Variants in ADGRL3 observed in about 807,000 individuals in gnomAD.
ADGRL3 encodes adhesion G protein-coupled receptor L3.
ADGRL3 carries 62 observed loss-of-function variants against 153.5 expected under a neutral mutation model. That is an observed-to-expected ratio of 0.40 (90% CI 0.33 to 0.50). The LOEUF (loss-of-function observed/expected upper bound fraction) is 0.50. Ranked by LOEUF, ADGRL3 falls within the 20% of genes least tolerant of loss-of-function variation. The pLI is 0.47. For missense variants in ADGRL3, 1,641 were observed against 1,859.4 expected, an observed-to-expected ratio of 0.88 and a Z score of 2.16; for synonymous variants, 710 against 672.5, an observed-to-expected ratio of 1.06 and a Z score of -0.86.
At chr4:62,055,789 A>T (rs1736694865) in intron 25 of ADGRL3, among the ~76,000 whole-genome samples, 1 of 151,656 alleles carries the variant, frequency 6.6e-6, no homozygotes, top group Non-Finnish European at 1.5e-5. Flanking sequence ...ATGTGTGTTG[A>T]TATTGTTTTG....
At chr4:61,369,439 AG>A (rs1388988014) in intron 1 of ADGRL3, among the ~76,000 whole-genome samples, 4 of 152,064 alleles carry the variant, frequency 2.6e-5, no homozygotes, top group Admixed American at 6.6e-5. Flanking sequence ...TTTAGCATGA[AG>A]GGTTGTTGAA....
chr4:61,574,378 A>G (rs1159344916), intron 4 of ADGRL3, among the ~76,000 whole-genome samples: 1 of 151,992 alleles, frequency 6.6e-6, no homozygotes, highest in Non-Finnish European at 1.5e-5. Context: ...TCACTTTAGA[A>G]CCTTACTAAT....
intron 4 of ADGRL3, among the ~76,000 whole-genome samples, chr4:61,523,133 G>A (rs2098540920): frequency 6.6e-6 from 1 of 151,878 alleles, no homozygotes; most frequent in Admixed American, 6.6e-5. Context: ...TAATCCTTCT[G>A]GCATCTTCTC....
At chr4:61,930,516 A>G (rs1384984872) in intron 13 of ADGRL3, among the ~76,000 whole-genome samples, 1 of 152,146 alleles carries the variant, frequency 6.6e-6, no homozygotes, top group African/African-American at 2.4e-5. Context: ...TAACAAATAA[A>G]CTCTGTATTT....
At chr4:61,897,382 A>C (rs1284975766) in intron 11 of ADGRL3, among the ~76,000 whole-genome samples, 1 of 152,206 alleles carries the variant, frequency 6.6e-6, no homozygotes. Context: ...GAATCAGCTT[A>C]TGTAACTTGT....
chr4:61,537,760 C>T (rs1310001837), intron 4 of ADGRL3, among the ~76,000 whole-genome samples: 1 of 152,116 alleles, frequency 6.6e-6, no homozygotes, highest in Admixed American at 6.5e-5. Flanking sequence ...TTCACTATCA[C>T]TATACTAAGA....
chr4:61,476,724 AAAAAAAAAAAAAAAC>A, intron 2 of ADGRL3, among the ~76,000 whole-genome samples: 1 of 148,514 alleles, frequency 6.7e-6, no homozygotes, highest in African/African-American at 2.5e-5. Flanking sequence ...AAAAAAAAAA[AAAAAAAAAAAAAAAC>A]AAAAAAACAT....
At chr4:61,629,484 C>T (rs998768661) in intron 5 of ADGRL3, among the ~76,000 whole-genome samples, 10 of 151,336 alleles carry the variant, frequency 6.6e-5, no homozygotes, top group African/African-American at 9.7e-5. Flanking sequence ...TATGGGAGGC[C>T]GAGGTGGGCG....
chr4:61,763,353 A>ATT (rs537127320), intron 8 of ADGRL3, among the ~76,000 whole-genome samples: 3 of 142,520 alleles, frequency 2.1e-5, no homozygotes, highest in East Asian at 2.0e-4. Flanking sequence ...ATGTCCAGCT[A>ATT]TTTTTTTTTT....
chr4:61,930,240 A>G (rs182846419), intron 13 of ADGRL3, among the ~76,000 whole-genome samples: 19 of 150,710 alleles, frequency 1.3e-4, no homozygotes, highest in East Asian at 2.0e-4. Flanking sequence ...CATTCCTTCT[A>G]TTGGGGTATT....
At position 61,497,138 on chromosome 4, in the gene ADGRL3, T is replaced by C. The variant is rs1297013999; in HGVS notation, c.-156T>C. ...TTTTGCAGGTTTCAGATTTGGGATA[T>C]TGGTGTTTCTGTTTTGGAGAAATTA... is the stretch of plus-strand genomic sequence containing the variant. On this transcript the variant is annotated 5_prime_UTR_variant, in exon 3 of 27. Transcript: ENST00000683033. 2 of 583,134 alleles carry C rather than the reference T, an allele frequency of 3.4e-6. No individual in the cohort carries two copies. Among genetic ancestry groups the C allele is most frequent in the African/African-American group, 3.9e-5 (2 of 50,914 alleles). The allele number at this position is 583,134 out of a possible 1,614,324, so 36.1% of individuals were successfully genotyped here.
chr4:61,554,435 A>T (rs893793380), intron 4 of ADGRL3, among the ~76,000 whole-genome samples: 1 of 152,116 alleles, frequency 6.6e-6, no homozygotes, highest in African/African-American at 2.4e-5. Flanking sequence ...ACTTCAAATG[A>T]TCCACCCGCC....
At chr4:61,262,692 AAAAG>A (rs1168159202) in intron 1 of ADGRL3, among the ~76,000 whole-genome samples, 1 of 152,144 alleles carries the variant, frequency 6.6e-6, no homozygotes, top group Non-Finnish European at 1.5e-5. Context: ...AGAAAAAAGA[AAAAG>A]AAAACAGGAG....
intron 9 of ADGRL3, among the ~76,000 whole-genome samples, chr4:61,886,790 C>T (rs1053679494): frequency 2.6e-5 from 4 of 151,692 alleles, no homozygotes; most frequent in African/African-American, 4.8e-5. Flanking sequence ...TACAGGCGCC[C>T]ACCATCATGC....
At chr4:61,502,196 A>G (rs1260392360) in intron 3 of ADGRL3, among the ~76,000 whole-genome samples, 2 of 152,084 alleles carry the variant, frequency 1.3e-5, no homozygotes, top group African/African-American at 4.8e-5. Flanking sequence ...AAGAAACATC[A>G]AGGTCCAATG....
chr4:61,479,605 A>G (rs1206413058), intron 2 of ADGRL3, among the ~76,000 whole-genome samples: 1 of 152,172 alleles, frequency 6.6e-6, no homozygotes, highest in Non-Finnish European at 1.5e-5. Context: ...AACTATTTGC[A>G]GAGCCCAGCG....
Position 61,596,253 on chromosome 4 carries a change from A to G in ADGRL3, c.473+8813A>G, listed in dbSNP as rs76778975. Among the ~76,000 whole-genome samples, 930 of 152,238 alleles carry G rather than the reference A, an allele frequency of 6.1e-3. 8 individuals are homozygous for G. Among genetic ancestry groups the G allele is most frequent in the African/African-American group, 0.021 (887 of 41,546 alleles). ...ATTCTGCCATCTTGCTCTGCCCCTT[A>G]GTTACTTTTTAATACTTATAAATGA... is the stretch of plus-strand genomic sequence containing the variant. On this transcript the variant is annotated intron_variant, in intron 5 of 26. Transcript: ENST00000683033.
At chr4:61,939,550 A>G (rs1246159994) in intron 15 of ADGRL3, among the ~76,000 whole-genome samples, 1 of 151,492 alleles carries the variant, frequency 6.6e-6, no homozygotes, top group Non-Finnish European at 1.5e-5. Context: ...GCTCACTGCA[A>G]CCTCCACCTC....
At chr4:61,781,723 G>A (rs538963193) in intron 8 of ADGRL3, among the ~76,000 whole-genome samples, 16 of 152,158 alleles carry the variant, frequency 1.1e-4, no homozygotes, top group African/African-American at 3.1e-4. Context: ...TAGTAAAAGC[G>A]GTAAAATTAA....
Sources: gnomAD v4.1 joint callset for allele counts (sites outside exome capture counted in the v4.1 genomes callset) on GRCh38, gnomAD v4.1.1 for gene constraint, MANE v1.5 for transcripts, NCBI Gene and HGNC (gene_info 2026-07-23, HGNC 2026-07-21) for gene names.